PDE4D: variants seen among roughly 807,000 people sequenced by gnomAD.
PDE4D encodes the protein phosphodiesterase 4D.
A neutral mutation model predicts 87.4 loss-of-function variants in PDE4D; 24 were observed. That is an observed-to-expected ratio of 0.27 (90% CI 0.20 to 0.39). PDE4D has a LOEUF of 0.39. Ranked by LOEUF, PDE4D falls within the 10% of genes least tolerant of loss-of-function variation. PDE4D has a pLI of 1.00. For missense variants in PDE4D, 714 were observed against 1,041.0 expected (o/e 0.69, Z 4.32); for synonymous variants, 384 against 383.2 (o/e 1.00, Z -0.02).
chr5:59,970,037 C>T (rs1470485685), intron 3 of PDE4D, among the ~76,000 whole-genome samples: 1 of 152,118 alleles, frequency 6.6e-6, no homozygotes, highest in Non-Finnish European at 1.5e-5. Flanking sequence ...AAGTTAAATG[C>T]AACTTTTTTC....
rs148964833 is a variant in PDE4D at position 59,496,021 on chromosome 5, G to A, written c.456-280053C>T. On this transcript the variant is annotated intron_variant, in intron 1 of 14. Transcript: ENST00000340635. ...CTGTATCCCGGGTTCTTGCCTTGGCGTGAGGGAAGAATTGAATCACACCTG... is the reference window on the plus strand; with the variant it reads ...CTGTATCCCGGGTTCTTGCCTTGGCATGAGGGAAGAATTGAATCACACCTG... 3.0e-4 allele frequency among the ~76,000 whole-genome samples: 46 copies of A among 152,234 alleles called. No homozygotes were observed. In the East Asian group the frequency reaches 6.2e-3, roughly 20 times the overall value.
intron 2 of PDE4D, among the ~76,000 whole-genome samples, chr5:60,118,312 A>G (rs890215774): frequency 2.0e-4 from 30 of 152,120 alleles, no homozygotes; most frequent in African/African-American, 7.2e-4. Flanking sequence ...GTTGAGGTTT[A>G]CTTATGCTGA....
chr5:60,393,647 C>T (rs1393977393), intron 1 of PDE4D, among the ~76,000 whole-genome samples: 1 of 152,182 alleles, frequency 6.6e-6, no homozygotes, highest in Non-Finnish European at 1.5e-5. Flanking sequence ...ACAACCAATT[C>T]CACAATAATC....
chr5:60,047,525 A>G (rs962254229), intron 2 of PDE4D, among the ~76,000 whole-genome samples: 1 of 152,126 alleles, frequency 6.6e-6, no homozygotes, highest in Admixed American at 6.5e-5. Flanking sequence ...ATTTCCCTCT[A>G]CACACTGCTT....
intron 1 of PDE4D, chr5:59,217,081 A>AAAATCTAC (rs1388863597): frequency 2.6e-6 from 1 of 387,326 alleles, no homozygotes; most frequent in Non-Finnish European, 5.0e-6. Context: ...GAGCTGGGAA[A>AAAATCTAC]AAATCTACAC....
chr5:59,403,575 C>T (rs1402067283), intron 1 of PDE4D, among the ~76,000 whole-genome samples: 1 of 152,004 alleles, frequency 6.6e-6, no homozygotes, highest in Non-Finnish European at 1.5e-5. Flanking sequence ...CTTTCTGTGC[C>T]TGGATAATTT....
chr5:59,824,288 C>T (rs1416532384), intron 1 of PDE4D, among the ~76,000 whole-genome samples: 13 of 152,142 alleles, frequency 8.5e-5, no homozygotes, highest in Admixed American at 1.3e-4. Context: ...CCAATGTGAA[C>T]GTCGCTCTTC....
intron 1 of PDE4D, among the ~76,000 whole-genome samples, chr5:59,303,512 CAT>C (rs1422875993): frequency 5.9e-5 from 9 of 152,042 alleles, no homozygotes; most frequent in Admixed American, 5.9e-4. Context: ...TCTAAAATTT[CAT>C]AGTTTCACGT....
At chr5:60,073,774 T>C (rs1772989859) in intron 2 of PDE4D, among the ~76,000 whole-genome samples, 1 of 152,066 alleles carries the variant, frequency 6.6e-6, no homozygotes, top group Non-Finnish European at 1.5e-5. Flanking sequence ...TGTCCAGGGA[T>C]TTATCAATTT....
At chr5:59,319,391 T>A (rs2153570505) in intron 1 of PDE4D, among the ~76,000 whole-genome samples, 1 of 152,244 alleles carries the variant, frequency 6.6e-6, no homozygotes, top group South Asian at 2.1e-4. Flanking sequence ...CATGAAAAAC[T>A]AATCTCTGAC....
chr5:59,265,009 C>T (rs141325406), intron 1 of PDE4D, among the ~76,000 whole-genome samples: 29 of 151,952 alleles, frequency 1.9e-4, no homozygotes, highest in African/African-American at 6.8e-4. Flanking sequence ...TGATGAGGCT[C>T]AGCTCCAGGG....
In PDE4D at chr5:59,391,686, T is replaced by C. The variant is rs566872043; in HGVS notation, c.456-175718A>G. Among the ~76,000 whole-genome samples, 5 of 152,162 alleles carry C rather than the reference T, an allele frequency of 3.3e-5. No individual in the cohort carries two copies. In the East Asian group the frequency reaches 9.7e-4, roughly 29 times the overall value. On this transcript the variant is annotated intron_variant, in intron 1 of 14. Coordinates refer to ENST00000340635, the MANE Select transcript of PDE4D (RefSeq NM_001104631.2). Reference sequence around the variant, plus strand: ...TCTGTTTCATCTCCAACTTTTTCCCTTATTCTCCACTTTGCTACTTCACTC... The same window carrying C: ...TCTGTTTCATCTCCAACTTTTTCCCCTATTCTCCACTTTGCTACTTCACTC...
At chr5:59,911,654 G>T (rs1031001914) in intron 3 of PDE4D, among the ~76,000 whole-genome samples, 1 of 152,168 alleles carries the variant, frequency 6.6e-6, no homozygotes, top group African/African-American at 2.4e-5. Flanking sequence ...GCAGTTACAG[G>T]AGCATCGGTT....
chr5:59,815,126 A>T (rs932876950), intron 1 of PDE4D, among the ~76,000 whole-genome samples: 12 of 152,238 alleles, frequency 7.9e-5, no homozygotes, highest in African/African-American at 2.7e-4. Flanking sequence ...GAAATGAAGG[A>T]TAACAAAAGA....
At chr5:59,205,647 T>C (rs1034997644) in intron 2 of PDE4D, among the ~76,000 whole-genome samples, 2 of 105,806 alleles carry the variant, frequency 1.9e-5, no homozygotes, top group African/African-American at 6.9e-5. Flanking sequence ...TGCTATCCAC[T>C]AGCTAAACAC....
In PDE4D at chr5:59,506,335, T is replaced by A. The variant is rs184301176; in HGVS notation, c.456-290367A>T. ...AGCATTAATTTTAATAATTCTTATA[T>A]CCTGAGTTAGCATTTAAATTTATTT... On this transcript the variant is annotated intron_variant, in intron 1 of 14. Coordinates refer to ENST00000340635, the MANE Select transcript of PDE4D (RefSeq NM_001104631.2). 2.2e-4 allele frequency among the ~76,000 whole-genome samples: 33 copies of A among 152,272 alleles called. No homozygotes were observed. In the East Asian group the frequency reaches 6.4e-3, roughly 29 times the overall value.
At chr5:59,133,274 A>T (rs1293467410) in intron 5 of PDE4D, among the ~76,000 whole-genome samples, 1 of 152,198 alleles carries the variant, frequency 6.6e-6, no homozygotes, top group Non-Finnish European at 1.5e-5. Flanking sequence ...ATGGATGCCG[A>T]TTCTATGGCA....
intron 2 of PDE4D, among the ~76,000 whole-genome samples, chr5:60,066,974 C>A (rs557508244): frequency 3.3e-5 from 5 of 152,170 alleles, no homozygotes; most frequent in Non-Finnish European, 5.9e-5. Flanking sequence ...TCTGAAATTT[C>A]TCACACTACT....
At chr5:60,348,671 TA>T (rs1192268936) in intron 1 of PDE4D, among the ~76,000 whole-genome samples, 4 of 152,156 alleles carry the variant, frequency 2.6e-5, no homozygotes, top group African/African-American at 9.6e-5. Context: ...AACTCTAGAA[TA>T]TTTGTTCTTT....
Sources: gnomAD v4.1 joint callset for allele counts (sites outside exome capture counted in the v4.1 genomes callset) on GRCh38, gnomAD v4.1.1 for gene constraint, MANE v1.5 for transcripts, NCBI Gene and HGNC (gene_info 2026-07-23, HGNC 2026-07-21) for gene names.